Variants in C10orf67 observed in about 807,000 individuals in gnomAD.
C10orf67 encodes the protein uncharacterized protein C10orf67, mitochondrial.
A neutral mutation model predicts 35.6 loss-of-function variants in C10orf67; 60 were observed. That is an observed-to-expected ratio of 1.68 (90% CI 1.37 to 2.09). C10orf67 has a LOEUF of 2.09. Ranked by LOEUF, C10orf67 falls within the 30% of genes most tolerant of loss-of-function variation. The probability of loss-of-function intolerance (pLI) is 0.00; values close to 1 mark genes in which losing one functional copy is unlikely to be tolerated. For synonymous variants in C10orf67, 167 were observed against 115.8 expected (o/e 1.44, Z -2.84); for missense variants, 474 against 330.2 (o/e 1.44, Z -3.38).
chr10:23,243,491 C>A (rs907862841), intron 12 of C10orf67, among the ~76,000 whole-genome samples: 1 of 151,674 alleles, frequency 6.6e-6, no homozygotes, highest in Non-Finnish European at 1.5e-5. Context: ...TGAGACCAGC[C>A]TGACCAACAT....
chr10:23,262,427 C>T (rs1190083731), intron 10 of C10orf67, among the ~76,000 whole-genome samples: 1 of 152,146 alleles, frequency 6.6e-6, no homozygotes, highest in African/African-American at 2.4e-5. Flanking sequence ...TTTCTGCTAC[C>T]ACCAAGTCGC....
chr10:23,211,733 G>GT (rs1460845555), intron 15 of C10orf67, among the ~76,000 whole-genome samples: 1 of 152,204 alleles, frequency 6.6e-6, no homozygotes, highest in East Asian at 1.9e-4. Context: ...CAAATGAAGT[G>GT]TCCTTTATCC....
At chr10:23,255,503 G>T (rs1749651284) in intron 10 of C10orf67, among the ~76,000 whole-genome samples, 1 of 152,212 alleles carries the variant, frequency 6.6e-6, no homozygotes, top group Admixed American at 6.5e-5. Flanking sequence ...ACAAAAGTCT[G>T]TCTGGGTGTG....
chr10:23,285,331 A>G (rs1409156870), intron 7 of C10orf67, among the ~76,000 whole-genome samples: 1 of 150,284 alleles, frequency 6.7e-6, no homozygotes, highest in Non-Finnish European at 1.5e-5. Context: ...AAAATCAAGC[A>G]GATTAGGACT....
intron 2 of C10orf67, among the ~76,000 whole-genome samples, chr10:23,323,242 C>T (rs916916388): frequency 6.6e-6 from 1 of 152,152 alleles, no homozygotes. Flanking sequence ...AATCTACTAG[C>T]ACAAGCATTT....
chr10:23,274,419 G>A (rs751876821), intron 8 of C10orf67, among the ~76,000 whole-genome samples: 13 of 152,140 alleles, frequency 8.5e-5, no homozygotes, highest in African/African-American at 2.7e-4. Flanking sequence ...CTCCCAGAGC[G>A]GCCGTCTATA....
At chr10:23,277,829 G>C (rs1843237156) in intron 8 of C10orf67, among the ~76,000 whole-genome samples, 1 of 152,122 alleles carries the variant, frequency 6.6e-6, no homozygotes, top group Admixed American at 6.5e-5. Context: ...CTGAGACTGG[G>C]TAATTTATAG....
rs1214230460 is a variant in C10orf67 at position 23,250,685 on chromosome 10, C to G, written c.1207G>C (p.Asp403His). 11 of 398,446 alleles carry G rather than the reference C, an allele frequency of 2.8e-5. No individual in the cohort carries two copies. The highest frequency in any genetic ancestry group is 4.4e-5 in the Admixed American group (1 of 22,712). The allele number at this position is 398,446 out of a possible 1,614,324, so 24.7% of individuals were successfully genotyped here. ...ALKEDQAVVEDKHGLESQIEA... is the reference protein window; with the variant it reads ...ALKEDQAVVEHKHGLESQIEA... The stretch of plus-strand genomic sequence containing the variant: ...ATTTGAGACTCCAAACCATGTTTGT[C>G]TTCAACCTTTCAATAGAAAATATAA... Residue 403 changes from aspartate to histidine, a missense_variant, in exon 11 of 16, where the codon GAC becomes CAC. Asp to His is a moderately conservative substitution (Grantham distance 81, BLOSUM62 -1). Transcript: ENST00000636213.
intron 5 of C10orf67, 86 bp from the exon 6 acceptor site, chr10:23,291,365 T>G: frequency 1.6e-6 from 1 of 613,520 alleles, no homozygotes; most frequent in East Asian, 2.7e-5. Flanking sequence ...ACAGAAAAGC[T>G]ATCATATAAT....
intron 8 of C10orf67, among the ~76,000 whole-genome samples, chr10:23,277,225 A>G (rs1338614777): frequency 6.6e-6 from 1 of 152,178 alleles, no homozygotes; most frequent in African/African-American, 2.4e-5. Flanking sequence ...GAGAATTTAA[A>G]TATTTTCCAG....
intron 13 of C10orf67, among the ~76,000 whole-genome samples, chr10:23,230,256 A>T (rs12262008): frequency 0.025 from 3,748 of 152,258 alleles, 159 homozygotes; most frequent in African/African-American, 0.085. Context: ...ATGGTTATTT[A>T]TAATAAAAGG....
At chr10:23,342,462 G>A (rs911900567) in intron 1 of C10orf67, among the ~76,000 whole-genome samples, 1 of 152,076 alleles carries the variant, frequency 6.6e-6, no homozygotes, top group African/African-American at 2.4e-5. Context: ...CAGCTCAGTC[G>A]CCCTAGTACT....
At chr10:23,238,084 A>G (rs968319328) in intron 13 of C10orf67, among the ~76,000 whole-genome samples, 1 of 152,220 alleles carries the variant, frequency 6.6e-6, no homozygotes, top group East Asian at 1.9e-4. Context: ...TATAAGATGG[A>G]CCAGTCTGTC....
chr10:23,302,896 C>T (rs1844134199), intron 5 of C10orf67, among the ~76,000 whole-genome samples: 1 of 152,116 alleles, frequency 6.6e-6, no homozygotes, highest in South Asian at 2.1e-4. Flanking sequence ...TCATTCTGTT[C>T]CAAGTTGGCT....
intron 2 of C10orf67, among the ~76,000 whole-genome samples, chr10:23,328,993 C>CAAAA (rs57772405): frequency 0.025 from 1,943 of 77,924 alleles, no homozygotes; most frequent in Non-Finnish European, 0.036. Flanking sequence ...CATAAACGAA[C>CAAAA]AAAAAAAAAA....
At chr10:23,315,638 A>T (rs964951182) in intron 4 of C10orf67, among the ~76,000 whole-genome samples, 1 of 152,018 alleles carries the variant, frequency 6.6e-6, no homozygotes, top group African/African-American at 2.4e-5. Context: ...GCAGGGTCTC[A>T]CTATGTTGCC....
At chr10:23,215,700 T>A (rs557700608) in intron 15 of C10orf67, among the ~76,000 whole-genome samples, 1 of 151,894 alleles carries the variant, frequency 6.6e-6, no homozygotes, top group East Asian at 1.9e-4. Context: ...GGGAAAAAAA[T>A]TATAGACCAA....
At chr10:23,342,215 T>C (rs1260439294) in intron 1 of C10orf67, among the ~76,000 whole-genome samples, 1 of 104,876 alleles carries the variant, frequency 9.5e-6, no homozygotes, top group Non-Finnish European at 1.8e-5. Flanking sequence ...CCCTCCCCAC[T>C]TGCCACACAC....
chr10:23,284,134 T>TG (rs961085099), intron 7 of C10orf67, among the ~76,000 whole-genome samples: 1 of 132,090 alleles, frequency 7.6e-6, no homozygotes. Context: ...AAAAAAAGGG[T>TG]GGGGGGAACA....
Sources: gnomAD v4.1 joint callset for allele counts (sites outside exome capture counted in the v4.1 genomes callset) on GRCh38, gnomAD v4.1.1 for gene constraint, MANE v1.5 for transcripts, NCBI Gene and HGNC (gene_info 2026-07-23, HGNC 2026-07-21) for gene names.